Variants in KIF3B observed in about 807,000 individuals in gnomAD.
KIF3B encodes kinesin family member 3B.
KIF3B carries 38 observed loss-of-function variants against 74.3 expected under a neutral mutation model. That is an observed-to-expected ratio of 0.51 (90% confidence interval 0.39 to 0.67). The LOEUF is 0.67. KIF3B is among the 30% of genes least tolerant of loss of function. The pLI is 0.00. For synonymous variants in KIF3B, 326 were observed against 342.5 expected, an observed-to-expected ratio of 0.95 and a Z score of 0.53; for missense variants, 649 against 932.0, an observed-to-expected ratio of 0.70 and a Z score of 3.95.
At chr20:32,305,526 G>A (rs2047765630) in intron 1 of KIF3B, among the ~76,000 whole-genome samples, 1 of 145,270 alleles carries the variant, frequency 6.9e-6, no homozygotes, top group Admixed American at 6.9e-5. Context: ...ATGAAACTCT[G>A]TCTCTTTTTG....
intron 2 of KIF3B, among the ~76,000 whole-genome samples, chr20:32,313,443 GT>G (rs922434363): frequency 6.6e-6 from 1 of 152,054 alleles, no homozygotes; most frequent in African/African-American, 2.4e-5. Flanking sequence ...AAGCTGTACT[GT>G]TTTTTTGTTT....
At chr20:32,313,869 G>A (rs2047813712) in intron 2 of KIF3B, among the ~76,000 whole-genome samples, 2 of 152,048 alleles carry the variant, frequency 1.3e-5, no homozygotes, top group Admixed American at 6.6e-5. Flanking sequence ...GCCATGCCCA[G>A]CTAATTTTGT....
At position 32,310,189 on chromosome 20, in the gene KIF3B, T is replaced by C; in HGVS notation, c.412T>C (p.Tyr138His). Residue 138 changes from tyrosine (Y) to histidine (H), a missense_variant, in exon 2 of 9, where the codon TAC becomes CAC. Around this residue, in one of 4 missense-constraint regions of KIF3B, gnomAD observed 363 missense variants for 592.8 expected, o/e 0.61. Coordinates refer to ENST00000375712, the MANE Select transcript of KIF3B (RefSeq NM_004798.4). The surrounding 1 kb of genome is among the most constrained non-coding windows in gnomAD (Gnocchi z 6.5). ...CATCTCTCGATCCCAGAATCAACAA[T>C]ACCTGGTCAGGGCTTCTTACTTAGA... is the stretch of plus-strand genomic sequence containing the variant. Reference protein sequence around the residue: ...THISRSQNQQYLVRASYLEIY... With the variant: ...THISRSQNQQHLVRASYLEIY... 6.2e-7 allele frequency: 1 copy of C among 1,613,418 alleles called. No individual in the cohort carries two copies. Among genetic ancestry groups the C allele is most frequent in the Non-Finnish European group, 8.5e-7 (1 of 1,179,442 alleles).
rs1411703011 is a variant in KIF3B, at chr20:32,311,168, G to A, written c.1391G>A (p.Gly464Asp). Reference protein sequence around the residue: ...RREKDAAEMLGAKIKAMESKL... With the variant: ...RREKDAAEMLDAKIKAMESKL... ...GAGAAGGATGCTGCCGAGATGCTGG[G>A]CGCCAAGATCAAGGTACCATACCCG... The change falls in exon 2 of 9, where the codon GGC becomes GAC. Residue 464 changes from glycine (G) to aspartate (D), a missense_variant. Transcript: ENST00000375712. 3 of 1,609,438 alleles carry A rather than the reference G, an allele frequency of 1.9e-6. No homozygotes were observed. The highest frequency in any genetic ancestry group is 2.5e-6 in the Non-Finnish European group (3 of 1,178,130).
chr20:32,282,004 T>C (rs2047645366), intron 1 of KIF3B, among the ~76,000 whole-genome samples: 1 of 152,180 alleles, frequency 6.6e-6, no homozygotes, highest in East Asian at 1.9e-4. Flanking sequence ...CCTTGTCTGC[T>C]AGAGTAATGA....
chr20:32,331,062 C>T (rs770563527), intron 8 of KIF3B, among the ~76,000 whole-genome samples, 161 bp from the exon 9 acceptor site: 1 of 152,190 alleles, frequency 6.6e-6, no homozygotes, highest in Non-Finnish European at 1.5e-5. Context: ...CCATTTTCAC[C>T]ATCCCCAAAG....
chr20:32,326,725 ATATGTAT>A (rs772517244), intron 5 of KIF3B, 39 bp from the exon 6 acceptor site: 218 of 784,168 alleles, frequency 2.8e-4, no homozygotes, highest in Admixed American at 6.0e-4. Context: ...CTGACACTTC[ATATGTAT>A]TCTGTATCTG....
At chr20:32,278,439 T>C (rs972406567) in intron 1 of KIF3B, among the ~76,000 whole-genome samples, 1 of 152,148 alleles carries the variant, frequency 6.6e-6, no homozygotes, top group African/African-American at 2.4e-5. Flanking sequence ...TAGTAAGTGC[T>C]CAACCAGCTA....
In KIF3B at chr20:32,309,985, T is replaced by C; in HGVS notation, c.208T>C (p.Phe70Leu). 1 of 1,614,088 alleles carries C rather than the reference T, an allele frequency of 6.2e-7. No individual in the cohort carries two copies. Among genetic ancestry groups the C allele is most frequent in the Non-Finnish European group, 8.5e-7 (1 of 1,180,008 alleles). Residue 70 changes from phenylalanine (F) to leucine (L), a missense_variant, in exon 2 of 9, where the codon TTT becomes CTT. Coordinates refer to ENST00000375712, the MANE Select transcript of KIF3B (RefSeq NM_004798.4). The part of the protein sequence containing the change: ...DAVYDWNAKQ[F>L]ELYDETFRPL... ...CGTCTATGACTGGAATGCCAAGCAG[T>C]TTGAACTGTACGATGAGACGTTCCG...
chr20:32,310,959 A>AGAG lies in KIF3B; in HGVS notation c.1196_1198dup (p.Glu399dup), dbSNP rs752131183. Reference sequence around the variant, plus strand: ...GTGGTGGCAGTGGTGGGGGTGGGGAAGAGGAGGAGGAGGAGGGAGAAGAGG... The same window carrying AGAG: ...GTGGTGGCAGTGGTGGGGGTGGGGAAGAGGAGGAGGAGGAGGAGGGAGAAGAGG... On this transcript the variant is annotated inframe_insertion, in exon 2 of 9. Transcript: ENST00000375712. This position sits in a 1 kb window ranked among gnomAD's most constrained non-coding sequence, Gnocchi z 6.5. 2.5e-6 allele frequency: 4 copies of AGAG among 1,571,198 alleles called. No homozygotes were observed. Among genetic ancestry groups the AGAG allele is most frequent in the African/African-American group, 2.7e-5 (2 of 73,774 alleles).
rs1221879114 is a variant in KIF3B, at chr20:32,334,868, A to G, written c.*3549A>G. Reference sequence around the variant, plus strand: ...TGACCTTCTCTTTGGCTACCTTTAGACAAAGAATACGCCAATCAATACTTG... The same window carrying G: ...TGACCTTCTCTTTGGCTACCTTTAGGCAAAGAATACGCCAATCAATACTTG... On this transcript the variant is annotated 3_prime_UTR_variant, in exon 9 of 9. Coordinates refer to ENST00000375712, the MANE Select transcript of KIF3B (RefSeq NM_004798.4). 6.6e-6 allele frequency: 1 copy of G among 152,566 alleles called. No individual in the cohort carries two copies. The highest frequency in any genetic ancestry group is 6.5e-5 in the Admixed American group (1 of 15,268). The allele number at this position is 152,566 out of a possible 1,614,324, so 9.5% of individuals were successfully genotyped here. A position where few individuals can be genotyped will look rare whatever the true frequency, so the allele number is the denominator to read the frequency against.
chr20:32,331,303 G>A lies in KIF3B; in HGVS notation c.2228G>A (p.Gly743Glu), dbSNP rs1475291510. 1 of 1,610,186 alleles carries A rather than the reference G, an allele frequency of 6.2e-7. No homozygotes were observed. Among genetic ancestry groups the A allele is most frequent in the Non-Finnish European group, 8.5e-7 (1 of 1,179,144 alleles). The change falls in exon 9 of 9, where the codon GGG becomes GAG. Residue 743 changes from glycine to glutamate, a missense_variant. Physicochemically the swap from Gly to Glu is moderately conservative, Grantham distance 98. Around this residue, in one of 4 missense-constraint regions of KIF3B, gnomAD observed 186 missense variants for 198.5 expected, o/e 0.94. Coordinates refer to ENST00000375712, the MANE Select transcript of KIF3B (RefSeq NM_004798.4). The stretch of plus-strand genomic sequence containing the variant: ...TCTCAGCTTTATCCACAGTCTCGGG[G>A]GCTGGTTCCAAAGTAAAGCCAGCTT... Reference protein sequence around the residue: ...PASQLYPQSRGLVPK With the variant: ...PASQLYPQSRELVPK
At chr20:32,279,408 G>A (rs1029387773) in intron 1 of KIF3B, among the ~76,000 whole-genome samples, 1 of 151,722 alleles carries the variant, frequency 6.6e-6, no homozygotes, top group Non-Finnish European at 1.5e-5. Flanking sequence ...AAGATCTCAG[G>A]TAAAGCTTTA....
intron 1 of KIF3B, among the ~76,000 whole-genome samples, chr20:32,295,645 C>G (rs1403983183): frequency 6.6e-6 from 1 of 151,858 alleles, no homozygotes; most frequent in Non-Finnish European, 1.5e-5. Context: ...TATTTCATTA[C>G]TTTCTTATTT....
chr20:32,301,005 G>C (rs546792744), intron 1 of KIF3B, among the ~76,000 whole-genome samples: 1 of 151,806 alleles, frequency 6.6e-6, no homozygotes. Context: ...TAGGACCACA[G>C]GCAAGCGGCA....
rs1309114150 is a variant in KIF3B, at chr20:32,310,991, A to G, written c.1214A>G (p.Glu405Gly). The change falls in exon 2 of 9, where the codon GAG (glutamate) becomes GGG (glycine). Residue 405 changes from glutamate (E) to glycine (G), a missense_variant. Physicochemically the swap from Glu to Gly is moderately conservative, Grantham distance 98. Around this residue, in one of 4 missense-constraint regions of KIF3B, gnomAD observed 363 missense variants for 592.8 expected, o/e 0.61. Transcript: ENST00000375712. This position sits in a 1 kb window ranked among gnomAD's most constrained non-coding sequence, Gnocchi z 6.5. ...GAGGAGGAGGGAGAAGAGGGTGAGGAGGAAGGGGATGATAAGGATGATTAC... is the reference window on the plus strand; with the variant it reads ...GAGGAGGAGGGAGAAGAGGGTGAGGGGGAAGGGGATGATAAGGATGATTAC... Reference protein sequence around the residue: ...EEEEEGEEGEEEGDDKDDYWR... With the variant: ...EEEEEGEEGEGEGDDKDDYWR... 2 of 1,613,244 alleles carry G rather than the reference A, an allele frequency of 1.2e-6. No homozygotes were observed. Among genetic ancestry groups the G allele is most frequent in the Non-Finnish European group, 8.5e-7 (1 of 1,179,668 alleles).
At chr20:32,306,445 A>T (rs1378401003) in intron 1 of KIF3B, among the ~76,000 whole-genome samples, 1 of 152,146 alleles carries the variant, frequency 6.6e-6, no homozygotes, top group Non-Finnish European at 1.5e-5. Context: ...GTAATGCATT[A>T]TACCACATCC....
intron 1 of KIF3B, among the ~76,000 whole-genome samples, chr20:32,308,775 G>T (rs2047785173): frequency 6.7e-6 from 1 of 149,794 alleles, no homozygotes; most frequent in South Asian, 2.1e-4. Flanking sequence ...ACCCAGGCTG[G>T]AGCGCAGTGC....
Position 32,330,263 on chromosome 20 carries a change from G to T in KIF3B, c.2091G>T (p.Glu697Asp), listed in dbSNP as rs754335541. 1 of 1,614,106 alleles carries T rather than the reference G, an allele frequency of 6.2e-7. No individual in the cohort carries two copies. Among genetic ancestry groups the T allele is most frequent in the South Asian group, 1.1e-5 (1 of 91,064 alleles). The change falls in exon 8 of 9, where the codon GAG (glutamate) becomes GAT (aspartate). Residue 697 changes from glutamate (E) to aspartate (D), a missense_variant. Physicochemically the swap from Glu to Asp is conservative, Grantham distance 45. Coordinates refer to ENST00000375712, the MANE Select transcript of KIF3B (RefSeq NM_004798.4). ...ALDAALQDED[E>D]IQVDASSFES... is the part of the protein sequence containing the mutation. ...ATGCGGCTCTGCAGGATGAAGATGA[G>T]ATACAGGTGGATGCATCATCATTTG...
Sources: gnomAD v4.1 joint callset for allele counts (sites outside exome capture counted in the v4.1 genomes callset) on GRCh38, gnomAD v4.1.1 for gene constraint, gnomAD v4.1.1 regional missense constraint, Gnocchi (gnomAD v3.1) non-coding constraint, MANE v1.5 for transcripts, NCBI Gene and HGNC (gene_info 2026-07-23, HGNC 2026-07-21) for gene names.